WT1: variants seen among roughly 807,000 people sequenced by gnomAD.
WT1 encodes Wilms tumor protein.
A neutral mutation model predicts 60.8 loss-of-function variants in WT1; 8 were observed. That is an observed-to-expected ratio of 0.13 (90% CI 0.08 to 0.24). The LOEUF (loss-of-function observed/expected upper bound fraction) is 0.24. WT1 is among the 10% of genes least tolerant of loss of function. The pLI, the probability that WT1 is intolerant of heterozygous loss-of-function variation, is 1.00. For synonymous variants in WT1, 312 were observed against 297.1 expected (o/e 1.05, Z -0.52); for missense variants, 568 against 711.8 (o/e 0.80, Z 2.30).
Position 32,434,828 on chromosome 11 carries a change from C to T in WT1, c.533G>A (p.Gly178Glu). ...ACCGAAGGGCCCGTAGCGACAGGCTCCGGCTGTGCCAGTGAACTGGCCGGA... is the reference window on the plus strand; with the variant it reads ...ACCGAAGGGCCCGTAGCGACAGGCTTCGGCTGTGCCAGTGAACTGGCCGGA... The change falls in exon 1 of 10, where the codon GGA (glycine) becomes GAA (glutamate). Residue 178 changes from glycine to glutamate, a missense_variant. Transcript: ENST00000452863. 1 of 1,612,486 alleles carries T rather than the reference C, an allele frequency of 6.2e-7. No individual in the cohort carries two copies. The highest frequency in any genetic ancestry group is 8.5e-7 in the Non-Finnish European group (1 of 1,179,794).
chr11:32,401,599 G>A (rs951958573), intron 5 of WT1, among the ~76,000 whole-genome samples: 14 of 152,012 alleles, frequency 9.2e-5, no homozygotes, highest in Non-Finnish European at 1.5e-5. Context: ...GGAGTGCAGT[G>A]GTGCGATCTT....
chr11:32,430,637 G>C (rs1853271015), intron 1 of WT1: 2 of 1,519,722 alleles, frequency 1.3e-6, no homozygotes, highest in Non-Finnish European at 8.8e-7. Flanking sequence ...TGGGTCCCGA[G>C]TCGCGGCACC....
chr11:32,414,965 T>A (rs1419891054), intron 5 of WT1, among the ~76,000 whole-genome samples: 1 of 152,228 alleles, frequency 6.6e-6, no homozygotes, highest in Non-Finnish European at 1.5e-5. Context: ...CATTTTTTTC[T>A]TATGTAGGAT....
intron 1 of WT1, chr11:32,430,857 G>T: frequency 8.1e-7 from 1 of 1,234,790 alleles, no homozygotes; most frequent in Non-Finnish European, 1.0e-6. Context: ...GAAGCTTATC[G>T]GACACGGGTT....
At chr11:32,403,572 CTT>C (rs398055138) in intron 5 of WT1, among the ~76,000 whole-genome samples, 26,231 of 128,200 alleles carry the variant, frequency 0.2, 2,654 homozygotes, top group East Asian at 0.59. Context: ...ATGAATATTA[CTT>C]TTTTTTTTTT....
chr11:32,430,021 G>C (rs1853224104), intron 1 of WT1, among the ~76,000 whole-genome samples: 2 of 151,812 alleles, frequency 1.3e-5, no homozygotes, highest in Non-Finnish European at 2.9e-5. Context: ...CTTCTCTGGG[G>C]CAACAGAGGC....
intron 3 of WT1, among the ~76,000 whole-genome samples, chr11:32,422,757 T>C (rs576864340): frequency 1.6e-4 from 25 of 152,336 alleles, no homozygotes; most frequent in South Asian, 6.2e-4. Context: ...CAGACTAACA[T>C]TGAATGATTG....
Position 32,400,526 on chromosome 11 carries a change from G to A in WT1, c.1017-482C>T, listed in dbSNP as rs545207542. ...GAGATGTCATGTCCTCAGAAGTGGG[G>A]ATTACATATCTGTGGCCTCACTCTG... On this transcript the variant is annotated intron_variant, in intron 5 of 9. Coordinates refer to ENST00000452863, the MANE Select transcript of WT1 (RefSeq NM_024426.6). 2.5e-5 allele frequency: 7 copies of A among 282,280 alleles called. No homozygotes were observed. The East Asian group carries it at 6.2e-4, about 25-fold the overall frequency. The allele number at this position is 282,280 out of a possible 1,614,324, so 17.5% of individuals were successfully genotyped here. A position where few individuals can be genotyped will look rare whatever the true frequency, so the allele number is the denominator to read the frequency against.
At chr11:32,418,553 T>C (rs1411248341) in intron 3 of WT1, among the ~76,000 whole-genome samples, 2 of 152,150 alleles carry the variant, frequency 1.3e-5, no homozygotes, top group Middle Eastern at 3.2e-3. Flanking sequence ...GAAGAAAAAT[T>C]TCACTCTACC....
intron 6 of WT1, among the ~76,000 whole-genome samples, chr11:32,397,011 C>T (rs948058344): frequency 5.9e-5 from 9 of 152,356 alleles, no homozygotes; most frequent in African/African-American, 2.2e-4. Flanking sequence ...CCAGCACAAC[C>T]TTTAATAGTG....
chr11:32,409,645 T>C (rs1051942377), intron 5 of WT1, among the ~76,000 whole-genome samples: 4 of 152,122 alleles, frequency 2.6e-5, no homozygotes, highest in Non-Finnish European at 4.4e-5. Flanking sequence ...TTTTGTTTTC[T>C]ATAGAGATGA....
intron 1 of WT1, among the ~76,000 whole-genome samples, chr11:32,434,480 C>T (rs5030140): frequency 8.5e-4 from 129 of 152,368 alleles, no homozygotes; most frequent in African/African-American, 3.0e-3. Context: ...AGTCAGGCTC[C>T]TAGCTCTGCC....
intron 1 of WT1, chr11:32,429,053 C>A (rs1853171369): frequency 3.4e-6 from 1 of 295,496 alleles, no homozygotes; most frequent in Non-Finnish European, 6.7e-6. Flanking sequence ...CGCGTTGACT[C>A]CGAGCTGTAA....
chr11:32,402,782 C>T (rs1852195377), intron 5 of WT1, among the ~76,000 whole-genome samples: 2 of 152,198 alleles, frequency 1.3e-5, no homozygotes, highest in Admixed American at 1.3e-4. Context: ...AACTCCTGGG[C>T]TCAAGTGATT....
At chr11:32,426,523 C>T (rs1427420548) in intron 3 of WT1, among the ~76,000 whole-genome samples, 1 of 152,148 alleles carries the variant, frequency 6.6e-6, no homozygotes, top group Admixed American at 6.5e-5. Flanking sequence ...GCATGCCGCG[C>T]CTGTGGTGCA....
At position 32,417,630 on chromosome 11, in the gene WT1, G is replaced by A. The variant is rs2133037462; in HGVS notation, c.912C>T (p.Ser304=). Residue 304 remains serine (S), a synonymous_variant, in exon 4 of 10, where the codon TCC becomes TCT. Transcript: ENST00000452863. Reference sequence around the variant, plus strand: ...GATTCCAGGTCATGCATTCAAGCTGGGATGTCATTTGGTATAAATTGTCAC... The same window carrying A: ...GATTCCAGGTCATGCATTCAAGCTGAGATGTCATTTGGTATAAATTGTCAC... 6.2e-7 allele frequency: 1 copy of A among 1,613,928 alleles called. No individual in the cohort carries two copies. The highest frequency in any genetic ancestry group is 8.5e-7 in the Non-Finnish European group (1 of 1,179,954).
At chr11:32,393,712 G>A (rs1001051335) in intron 7 of WT1, among the ~76,000 whole-genome samples, 6 of 152,090 alleles carry the variant, frequency 3.9e-5, no homozygotes, top group Admixed American at 1.3e-4. Flanking sequence ...TCTCCACATC[G>A]AAAAGTCTCC....
chr11:32,416,659 C>A, intron 4 of WT1, 119 bp from the exon 5 acceptor site: 3 of 1,281,216 alleles, frequency 2.3e-6, no homozygotes, highest in Non-Finnish European at 3.4e-6. Flanking sequence ...AGCTAGCTAT[C>A]AAGAGTGCTG....
chr11:32,391,108 C>T (rs5030298), intron 9 of WT1, among the ~76,000 whole-genome samples: 1 of 152,054 alleles, frequency 6.6e-6, no homozygotes, highest in Non-Finnish European at 1.5e-5. Flanking sequence ...TCAGCCTCCC[C>T]CAAATAGCTG....
Sources: gnomAD v4.1 joint callset for allele counts (sites outside exome capture counted in the v4.1 genomes callset) on GRCh38, gnomAD v4.1.1 for gene constraint, MANE v1.5 for transcripts, NCBI Gene and HGNC (gene_info 2026-07-23, HGNC 2026-07-21) for gene names.